The following NUDT14 variants were observed in gnomAD, a reference collection of about 807,000 sequenced individuals.
NUDT14 encodes uridine diphosphate glucose pyrophosphatase NUDT14.
Under a neutral mutation model 17.5 loss-of-function variants are expected in NUDT14, and 22 were observed. The observed-to-expected ratio is 1.26, with a 90% CI of 0.90 to 1.80. The LOEUF is 1.80. NUDT14 is among the 40% of genes most tolerant of loss of function. The pLI is 0.00. For missense variants in NUDT14, 296 were observed against 295.6 expected (o/e 1.00, Z -0.01); for synonymous variants, 129 against 125.8 (o/e 1.03, Z -0.17).
In NUDT14 at chr14:105,181,308, G is replaced by T; in HGVS notation, c.-99C>A. 2 of 470,850 alleles carry T rather than the reference G, an allele frequency of 4.2e-6. No individual in the cohort carries two copies. The highest frequency in any genetic ancestry group is 5.8e-6 in the Non-Finnish European group (2 of 342,942). 29.2% of individuals were successfully genotyped at this position (470,850 alleles called of 1,614,324 possible). On this transcript the variant is annotated 5_prime_UTR_variant, in exon 1 of 5. Transcript: ENST00000392568. This position sits in a 1 kb window ranked among gnomAD's most constrained non-coding sequence, Gnocchi z 5.0. Reference sequence around the variant, plus strand: ...GCCTTCGGGCGGGCGCGTGACCGCGGCTCTGAGCATGCTCCGTGGGCGCGC... The same window carrying T: ...GCCTTCGGGCGGGCGCGTGACCGCGTCTCTGAGCATGCTCCGTGGGCGCGC...
chr14:105,174,034 G>C (rs1231595992), intron 4 of NUDT14, among the ~76,000 whole-genome samples: 1 of 152,088 alleles, frequency 6.6e-6, no homozygotes, highest in East Asian at 1.9e-4. Flanking sequence ...TTTCAGACTA[G>C]GAACAGCATG....
At chr14:105,180,449 C>T (rs113391704) in intron 1 of NUDT14, among the ~76,000 whole-genome samples, 8 of 152,172 alleles carry the variant, frequency 5.3e-5, no homozygotes, top group African/African-American at 7.2e-5. Flanking sequence ...GCCTGGGCGA[C>T]AGCAAGACCC....
chr14:105,176,427 G>A, intron 4 of NUDT14, 107 bp downstream of exon 4: 1 of 965,110 alleles, frequency 1.0e-6, no homozygotes, highest in Non-Finnish European at 1.6e-6. Context: ...TCCCATGTTG[G>A]AAAACAAGGA....
intron 1 of NUDT14, among the ~76,000 whole-genome samples, chr14:105,179,099 C>T (rs968331986): frequency 1.3e-5 from 2 of 152,202 alleles, no homozygotes; most frequent in African/African-American, 2.4e-5. Context: ...CTGCTTCCCC[C>T]CGAGTAACAT....
chr14:105,174,985 C>A (rs886658499), intron 4 of NUDT14, among the ~76,000 whole-genome samples: 1 of 152,230 alleles, frequency 6.6e-6, no homozygotes, highest in Non-Finnish European at 1.5e-5. Context: ...CCCTAGTCAG[C>A]AGCATCTCCA....
intron 1 of NUDT14, among the ~76,000 whole-genome samples, chr14:105,180,145 A>C (rs1314862939): frequency 6.6e-6 from 1 of 152,204 alleles, no homozygotes; most frequent in Non-Finnish European, 1.5e-5. Flanking sequence ...GGACTCAGTG[A>C]TCCACTGGAT....
intron 4 of NUDT14, among the ~76,000 whole-genome samples, chr14:105,174,382 G>A (rs1889167705): frequency 6.6e-6 from 1 of 152,106 alleles, no homozygotes; most frequent in African/African-American, 2.4e-5. Context: ...GGGTGGGGGA[G>A]CCCTGGCTCG....
chr14:105,179,272 C>T (rs1164099566), intron 1 of NUDT14, among the ~76,000 whole-genome samples: 9 of 152,190 alleles, frequency 5.9e-5, no homozygotes, highest in African/African-American at 1.9e-4. Context: ...CTCGGAGCCA[C>T]GGGGGTCCCC....
chr14:105,176,514 G>C lies in NUDT14; in HGVS notation c.428+20C>G. On this transcript the variant is annotated intron_variant, in intron 4 of 4. Transcript: ENST00000392568. ...ATCTCCTGAGTCACACCACAGGCCT[G>C]AGGGCCTGGTCCCACTCACCAGTAT... 1.3e-6 allele frequency: 2 copies of C among 1,583,238 alleles called. No individual in the cohort carries two copies. Among genetic ancestry groups the C allele is most frequent in the South Asian group, 1.1e-5 (1 of 90,500 alleles).
At chr14:105,179,473 C>T (rs1889283460) in intron 1 of NUDT14, among the ~76,000 whole-genome samples, 2 of 152,272 alleles carry the variant, frequency 1.3e-5, no homozygotes, top group East Asian at 1.9e-4. Context: ...CTCTGGTCAC[C>T]AGAACCCTTC....
At position 105,181,269 on chromosome 14, in the gene NUDT14, C is replaced by A; in HGVS notation, c.-60G>T. 1.5e-6 allele frequency: 1 copy of A among 664,410 alleles called. No individual in the cohort carries two copies. The highest frequency in any genetic ancestry group is 1.9e-6 in the Non-Finnish European group (1 of 514,246). 41.2% of individuals were successfully genotyped at this position (664,410 alleles called of 1,614,324 possible). A position where few individuals can be genotyped will look rare whatever the true frequency, so the allele number is the denominator to read the frequency against. On this transcript the variant is annotated 5_prime_UTR_variant, in exon 1 of 5. The change creates a new upstream start codon in the 5' untranslated region. Coordinates refer to ENST00000392568, the MANE Select transcript of NUDT14 (RefSeq NM_177533.5). The surrounding 1 kb of genome is among the most constrained non-coding windows in gnomAD (Gnocchi z 5.0). ...GCGGGGGCCGACACGGGGCGGCGCC[C>A]TGTCCCGACAGGAGCCTTCGGGCGG...
rs748155368 is a variant in NUDT14 at position 105,176,672 on chromosome 14, G to A, written c.290C>T (p.Ala97Val). Residue 97 changes from alanine to valine, a missense_variant, in exon 4 of 5, where the codon GCG becomes GTG. Transcript: ENST00000392568. ...GGCACACAGCTCAACTGTCACCCCC[G>A]CTGAGCCGGGCAGGGCTGGCTGTAG... ...RELQPALPGS[A>V]GVTVELCAGL... 25 of 1,612,612 alleles carry A rather than the reference G, an allele frequency of 1.6e-5. No homozygotes were observed. Among genetic ancestry groups the A allele is most frequent in the South Asian group, 5.5e-5 (5 of 91,082 alleles).
chr14:105,176,347 G>T, intron 4 of NUDT14, 187 bp downstream of exon 4: 1 of 622,072 alleles, frequency 1.6e-6, no homozygotes, highest in Non-Finnish European at 2.8e-6. Flanking sequence ...ACGCTGCAGA[G>T]AGAGCCCCAA....
chr14:105,176,877 C>T lies in NUDT14; in HGVS notation c.190+86G>A, dbSNP rs1279427472. On this transcript the variant is annotated intron_variant, in intron 3 of 4. Transcript: ENST00000392568. ...AGGGCCTCAGCTTCCCCTGGAGCCC[C>T]CTCCCACATCTGTATTCAGACCCTC... The T allele has an allele frequency of 1.8e-5, 28 of 1,555,566 alleles. No homozygotes were observed. The East Asian group carries it at 5.7e-4, about 32-fold the overall frequency.
chr14:105,177,628 C>T, intron 2 of NUDT14, 64 bp downstream of exon 2: 1 of 1,505,590 alleles, frequency 6.6e-7, no homozygotes, highest in Non-Finnish European at 9.2e-7. Context: ...TCGCCCTGGG[C>T]CCAGTGTCCC....
chr14:105,173,067 A>T lies in NUDT14; in HGVS notation c.623T>A (p.Val208Asp). 1 of 1,534,194 alleles carries T rather than the reference A, an allele frequency of 6.5e-7. No homozygotes were observed. The highest frequency in any genetic ancestry group is 8.8e-7 in the Non-Finnish European group (1 of 1,140,144). ...GGCCACCTGGCTGAGGAACCATGAG[A>T]CACCAAAGATGACGCCGAGGGTCTT... ...IPKTLGVIFG[V>D]SWFLSQVAPN... Residue 208 changes from valine (V) to aspartate (D), a missense_variant, in exon 5 of 5, where the codon GTC becomes GAC. Transcript: ENST00000392568. The surrounding 1 kb of genome is among the most constrained non-coding windows in gnomAD (Gnocchi z 4.7).
chr14:105,177,062 C>T (rs750364344), intron 2 of NUDT14, 35 bp from the exon 3 acceptor site: 23 of 1,601,964 alleles, frequency 1.4e-5, no homozygotes, highest in Non-Finnish European at 1.9e-5. Context: ...CACAGAAGCA[C>T]TCCACTGGCC....
intron 1 of NUDT14, among the ~76,000 whole-genome samples, chr14:105,180,356 T>C (rs1044661681): frequency 1.5e-4 from 23 of 152,024 alleles, no homozygotes; most frequent in African/African-American, 5.1e-4. Flanking sequence ...TCCCAGCTAC[T>C]GGGGCGGGGG....
chr14:105,180,723 C>G (rs751947790), intron 1 of NUDT14, among the ~76,000 whole-genome samples: 1 of 152,130 alleles, frequency 6.6e-6, no homozygotes, highest in African/African-American at 2.4e-5. Context: ...CCGGCCTCTG[C>G]GCTCCTTGCT....
Sources: gnomAD v4.1 joint callset for allele counts (sites outside exome capture counted in the v4.1 genomes callset) on GRCh38, gnomAD v4.1.1 for gene constraint, Gnocchi (gnomAD v3.1) non-coding constraint, MANE v1.5 for transcripts, NCBI Gene and HGNC (gene_info 2026-07-23, HGNC 2026-07-21) for gene names.